The following NRXN3 variants were observed in gnomAD, a reference collection of about 807,000 sequenced individuals.
NRXN3 encodes neurexin 3.
NRXN3 carries 32 observed loss-of-function variants against 137.6 expected under a neutral mutation model. The ratio of observed to expected loss-of-function variants is 0.23; its 90% CI spans 0.18 to 0.31. NRXN3 has a LOEUF of 0.31. Ranked by LOEUF, NRXN3 falls within the 10% of genes least tolerant of loss-of-function variation. The pLI, the probability that NRXN3 is intolerant of heterozygous loss-of-function variation, is 1.00. For synonymous variants in NRXN3, 798 were observed against 784.5 expected (o/e 1.02, Z -0.29); for missense variants, 1,574 against 2,062.5 (o/e 0.76, Z 4.59).
chr14:79,609,948 G>T (rs913262483), intron 16 of NRXN3, among the ~76,000 whole-genome samples: 1 of 152,000 alleles, frequency 6.6e-6, no homozygotes, highest in Non-Finnish European at 1.5e-5. Flanking sequence ...GGGCCTGTCT[G>T]GGGGTAGGAG....
At chr14:79,542,342 A>G (rs145918655) in intron 16 of NRXN3, among the ~76,000 whole-genome samples, 10 of 152,340 alleles carry the variant, frequency 6.6e-5, no homozygotes, top group African/African-American at 1.9e-4. Context: ...GTTGTAATAA[A>G]ATACATCAAC....
At chr14:78,588,668 A>G (rs1274859322) in intron 4 of NRXN3, among the ~76,000 whole-genome samples, 1 of 152,220 alleles carries the variant, frequency 6.6e-6, no homozygotes, top group South Asian at 2.1e-4. Flanking sequence ...CAAGAATCCA[A>G]ATAAATAGTA....
chr14:78,932,647 A>G (rs116082084), intron 10 of NRXN3, among the ~76,000 whole-genome samples: 1,618 of 152,346 alleles, frequency 0.011, 25 homozygotes, highest in African/African-American at 0.033. Context: ...TGTGAAATGT[A>G]GCAGAGCTAT....
chr14:78,320,629 A>G (rs1283713630), intron 4 of NRXN3, among the ~76,000 whole-genome samples: 1 of 152,182 alleles, frequency 6.6e-6, no homozygotes, highest in Non-Finnish European at 1.5e-5. Context: ...AGTAGATCTG[A>G]CGGGAGACCT....
chr14:78,418,217 C>T (rs533341101), intron 4 of NRXN3, among the ~76,000 whole-genome samples: 55 of 152,248 alleles, frequency 3.6e-4, no homozygotes, highest in Admixed American at 5.9e-4. Context: ...AGAAATTAAG[C>T]AAGTCTTACA....
chr14:79,255,508 CCA>C (rs1178005983), intron 15 of NRXN3, among the ~76,000 whole-genome samples: 1 of 152,320 alleles, frequency 6.6e-6, no homozygotes, highest in Non-Finnish European at 1.5e-5. Flanking sequence ...CCTTTCTAAA[CCA>C]CAGTTTTCTT....
chr14:79,015,586 A>G (rs974070911), intron 15 of NRXN3, among the ~76,000 whole-genome samples: 4 of 152,140 alleles, frequency 2.6e-5, no homozygotes, highest in Non-Finnish European at 5.9e-5. Flanking sequence ...AACCCAAAGT[A>G]AAGAGAGCAA....
At chr14:79,280,268 C>T in intron 15 of NRXN3, 1 of 1,613,352 alleles carries the variant, frequency 6.2e-7, no homozygotes, top group East Asian at 2.2e-5. Flanking sequence ...AACTGCCCAT[C>T]TGTAGTGGTC....
intron 16 of NRXN3, among the ~76,000 whole-genome samples, chr14:79,509,506 G>C (rs1247700490): frequency 6.7e-6 from 1 of 149,876 alleles, no homozygotes. Context: ...ATAGAGGAAG[G>C]CTCTGTCTCA....
chr14:78,385,369 A>G (rs1309303563), intron 4 of NRXN3, among the ~76,000 whole-genome samples: 1 of 152,000 alleles, frequency 6.6e-6, no homozygotes, highest in Admixed American at 6.6e-5. Flanking sequence ...AAAATTATGA[A>G]AAGTGAACAC....
At chr14:78,388,633 G>A (rs2090328391) in intron 4 of NRXN3, among the ~76,000 whole-genome samples, 1 of 152,104 alleles carries the variant, frequency 6.6e-6, no homozygotes, top group Admixed American at 6.5e-5. Flanking sequence ...AGAGTTGAGT[G>A]ATGGCAATAA....
At chr14:79,105,608 C>A (rs1365117817) in intron 15 of NRXN3, among the ~76,000 whole-genome samples, 1 of 152,088 alleles carries the variant, frequency 6.6e-6, no homozygotes, top group East Asian at 1.9e-4. Flanking sequence ...TTTCCTTCCA[C>A]CCCCAAATTC....
At chr14:79,174,979 C>CT (rs5809926) in intron 15 of NRXN3, among the ~76,000 whole-genome samples, 8,723 of 124,866 alleles carry the variant, frequency 0.07, 1,003 homozygotes, top group African/African-American at 0.24. Flanking sequence ...TTCAGATTTC[C>CT]TTTTTTTTTT....
chr14:78,778,277 AC>A (rs1321240024), intron 8 of NRXN3, among the ~76,000 whole-genome samples: 1 of 152,220 alleles, frequency 6.6e-6, no homozygotes, highest in East Asian at 1.9e-4. Flanking sequence ...TCAATGATAG[AC>A]AAGTCTGACA....
chr14:79,608,717 C>T (rs79902135), intron 16 of NRXN3, among the ~76,000 whole-genome samples: 8,302 of 152,174 alleles, frequency 0.055, 237 homozygotes, highest in East Asian at 0.083. Flanking sequence ...AATTAAAATG[C>T]CAAATAGAAA....
chr14:79,527,351 G>T (rs182910703), intron 16 of NRXN3, among the ~76,000 whole-genome samples: 1 of 150,710 alleles, frequency 6.6e-6, no homozygotes, highest in African/African-American at 2.4e-5. Context: ...GTAGTGTGGC[G>T]GGTTAGAGAT....
intron 1 of NRXN3, among the ~76,000 whole-genome samples, chr14:78,218,678 T>G (rs1261040332): frequency 6.6e-6 from 1 of 152,240 alleles, no homozygotes; most frequent in Non-Finnish European, 1.5e-5. Context: ...GGCAGGGCCT[T>G]CCTTGGCTTT....
intron 15 of NRXN3, among the ~76,000 whole-genome samples, chr14:79,462,181 C>T (rs2096353224): frequency 6.6e-6 from 1 of 151,792 alleles, no homozygotes; most frequent in Non-Finnish European, 1.5e-5. Context: ...CGAGACCAGC[C>T]TGACCAACAT....
intron 6 of NRXN3, among the ~76,000 whole-genome samples, chr14:78,676,751 G>C (rs1394619060): frequency 1.3e-5 from 2 of 152,102 alleles, no homozygotes; most frequent in East Asian, 1.9e-4. Flanking sequence ...GTCAGTGCCT[G>C]GCTTTAGAGG....
Sources: allele counts gnomAD v4.1 joint callset (sites outside exome capture counted in the v4.1 genomes callset), GRCh38; gene constraint gnomAD v4.1.1; transcripts MANE v1.5; gene names NCBI Gene and HGNC (gene_info 2026-07-23, HGNC 2026-07-21).